MED27: variants seen among roughly 807,000 people sequenced by gnomAD.
MED27 encodes mediator of RNA polymerase II transcription subunit 27.
MED27 carries 30 observed loss-of-function variants against 38.2 expected under a neutral mutation model. That is an observed-to-expected ratio of 0.79 (90% confidence interval 0.59 to 1.07). The LOEUF is 1.07. Among genes scored for constraint, MED27 ranks in the 50% least tolerant of loss-of-function variants. MED27 has a pLI of 0.00. For synonymous variants in MED27, 122 were observed against 153.5 expected, an observed-to-expected ratio of 0.79 and a Z score of 1.52; for missense variants, 289 against 397.5, an observed-to-expected ratio of 0.73 and a Z score of 2.32.
intron 3 of MED27, among the ~76,000 whole-genome samples, chr9:131,964,360 A>AG (rs373656359): frequency 1.2e-5 from 1 of 82,238 alleles, no homozygotes. Context: ...GTGATGGTAG[A>AG]GGTGATGGTA....
intron 4 of MED27, among the ~76,000 whole-genome samples, chr9:131,920,113 A>G (rs1484206382): frequency 6.6e-6 from 1 of 152,128 alleles, no homozygotes; most frequent in Admixed American, 6.5e-5. Context: ...ACCTGGCCTT[A>G]ATGCATGATT....
At chr9:131,870,629 C>T (rs1838815053) in intron 6 of MED27, among the ~76,000 whole-genome samples, 1 of 152,198 alleles carries the variant, frequency 6.6e-6, no homozygotes, top group African/African-American at 2.4e-5. Flanking sequence ...GGGCCCCCCA[C>T]TCCAGGCCTC....
At position 131,982,985 on chromosome 9, in the gene MED27, A is replaced by G. The variant is rs1370328798; in HGVS notation, c.479+31352T>C. On this transcript the variant is annotated intron_variant, in intron 3 of 7. Transcript: ENST00000292035. The surrounding 1 kb of genome is among the most constrained non-coding windows in gnomAD (Gnocchi z 4.3). ...GGATTTTGTTAAAATGTAGATTCGC[A>G]TTCAGGAGGATCTGTGACTGAGTTT... 1.3e-5 allele frequency among the ~76,000 whole-genome samples: 2 copies of G among 152,206 alleles called. No homozygotes were observed. Among genetic ancestry groups the G allele is most frequent in the African/African-American group, 4.8e-5 (2 of 41,448 alleles).
At chr9:132,062,418 C>T (rs1465696476) in intron 2 of MED27, among the ~76,000 whole-genome samples, 3 of 152,174 alleles carry the variant, frequency 2.0e-5, no homozygotes, top group South Asian at 2.1e-4. Context: ...AAAAAGTATT[C>T]GCCATGCATA....
intron 4 of MED27, among the ~76,000 whole-genome samples, chr9:131,926,588 C>T (rs763041889): frequency 6.6e-6 from 1 of 152,222 alleles, no homozygotes; most frequent in Non-Finnish European, 1.5e-5. Flanking sequence ...CCACAAACTA[C>T]GCTGGTGACT....
intron 3 of MED27, among the ~76,000 whole-genome samples, chr9:131,947,517 C>T (rs1387077663): frequency 6.6e-6 from 1 of 152,190 alleles, no homozygotes; most frequent in East Asian, 1.9e-4. Context: ...AAAATGATCA[C>T]AAAACAGAAT....
chr9:131,911,422 G>A (rs560244300), intron 4 of MED27, among the ~76,000 whole-genome samples: 1 of 152,298 alleles, frequency 6.6e-6, no homozygotes, highest in South Asian at 2.1e-4. Context: ...TGGTTCCATG[G>A]TAGCAGACAT....
At chr9:132,040,265 A>C (rs1381962523) in intron 2 of MED27, among the ~76,000 whole-genome samples, 1 of 152,236 alleles carries the variant, frequency 6.6e-6, no homozygotes, top group Non-Finnish European at 1.5e-5. Flanking sequence ...GAAATGAATT[A>C]TTAAAAGATT....
chr9:131,907,356 T>C (rs906912294), intron 4 of MED27, among the ~76,000 whole-genome samples: 11 of 151,724 alleles, frequency 7.3e-5, no homozygotes, highest in African/African-American at 2.7e-4. Flanking sequence ...TGCCTGCGAC[T>C]GCAGGCACGC....
chr9:131,915,803 C>T (rs1232584533), intron 4 of MED27, among the ~76,000 whole-genome samples: 7 of 152,126 alleles, frequency 4.6e-5, no homozygotes, highest in Non-Finnish European at 7.4e-5. Context: ...TAGCAAATGA[C>T]GGCACAGAGA....
intron 6 of MED27, among the ~76,000 whole-genome samples, chr9:131,878,054 T>A (rs1838968424): frequency 6.6e-6 from 1 of 151,974 alleles, no homozygotes; most frequent in Non-Finnish European, 1.5e-5. Flanking sequence ...GCAGGTGGAT[T>A]ACCTGAGATC....
At chr9:132,023,990 G>A (rs1008805413) in intron 2 of MED27, among the ~76,000 whole-genome samples, 6 of 152,128 alleles carry the variant, frequency 3.9e-5, no homozygotes, top group African/African-American at 1.4e-4. Flanking sequence ...AGGAGGCAAC[G>A]GGTCCAAGGA....
At chr9:131,954,085 T>C (rs887078612) in intron 3 of MED27, among the ~76,000 whole-genome samples, 4 of 152,218 alleles carry the variant, frequency 2.6e-5, no homozygotes, top group Admixed American at 2.6e-4. Flanking sequence ...TTTACAGGCA[T>C]GAGCCACCAT....
At chr9:131,869,262 A>G (rs1358998741) in intron 6 of MED27, 1 of 985,258 alleles carries the variant, frequency 1.0e-6, no homozygotes, top group Admixed American at 6.1e-5. Flanking sequence ...AGCACAGGAG[A>G]ACTTCACCTA....
chr9:132,071,819 A>G (rs1423053433), intron 2 of MED27, among the ~76,000 whole-genome samples: 1 of 150,010 alleles, frequency 6.7e-6, no homozygotes, highest in South Asian at 2.1e-4. Context: ...TGCACGCCCC[A>G]TAAGTGAGTA....
intron 4 of MED27, among the ~76,000 whole-genome samples, chr9:131,899,852 T>C (rs1362219797): frequency 1.3e-5 from 2 of 152,188 alleles, no homozygotes; most frequent in Admixed American, 6.5e-5. Context: ...AACTTTTTGA[T>C]AGACTGATAA....
chr9:131,886,876 G>A (rs149844564), intron 5 of MED27, among the ~76,000 whole-genome samples: 2 of 152,284 alleles, frequency 1.3e-5, no homozygotes, highest in Non-Finnish European at 2.9e-5. Context: ...AATGACTTTT[G>A]CATCGTTTAG....
chr9:131,985,374 G>A (rs1463592424), intron 3 of MED27, among the ~76,000 whole-genome samples: 1 of 152,182 alleles, frequency 6.6e-6, no homozygotes, highest in Non-Finnish European at 1.5e-5. Flanking sequence ...CTCATTCTAT[G>A]TGCTTTGTGA....
At chr9:131,910,119 A>C (rs1307394796) in intron 4 of MED27, among the ~76,000 whole-genome samples, 1 of 152,230 alleles carries the variant, frequency 6.6e-6, no homozygotes. Context: ...GGTATTTAAG[A>C]GTCTTGTTTA....
Sources: allele counts gnomAD v4.1 joint callset (sites outside exome capture counted in the v4.1 genomes callset), GRCh38; gene constraint gnomAD v4.1.1; non-coding constraint Gnocchi (gnomAD v3.1); transcripts MANE v1.5; gene names NCBI Gene and HGNC (gene_info 2026-07-23, HGNC 2026-07-21).